The following RHD variants were observed in gnomAD, a reference collection of about 807,000 sequenced individuals.
RHD encodes the protein blood group Rh(D) polypeptide.
Under a neutral mutation model 45.5 loss-of-function variants are expected in RHD, and 16 were observed. The ratio of observed to expected loss-of-function variants is 0.35; its 90% CI spans 0.24 to 0.53. The LOEUF (loss-of-function observed/expected upper bound fraction) is 0.53, where lower values mean the gene tolerates loss of function less well. Among genes scored for constraint, RHD ranks in the 20% least tolerant of loss-of-function variants. The probability of loss-of-function intolerance (pLI) is 0.92; values close to 1 mark genes in which losing one functional copy is unlikely to be tolerated. For missense variants in RHD, 306 were observed against 532.0 expected (o/e 0.58, Z 4.18); for synonymous variants, 131 against 217.5 (o/e 0.60, Z 3.50).
At chr1:25,277,579 T>C in intron 1 of RHD, among the ~76,000 whole-genome samples, 1 of 130,554 alleles carries the variant, frequency 7.7e-6, no homozygotes, top group Non-Finnish European at 1.8e-5. Context: ...TCTTTCTGCC[T>C]CTGTTTCTAC....
intron 2 of RHD, among the ~76,000 whole-genome samples, chr1:25,289,823 A>AT (rs71014347): frequency 0.22 from 25,894 of 115,850 alleles, 6,928 homozygotes; most frequent in Admixed American, 0.3. Context: ...TCATAAGTAC[A>AT]TTTTTTTTTT....
In RHD at chr1:25,321,099, G is replaced by A. The variant is rs1348075038; in HGVS notation, c.1154-790G>A. Among the ~76,000 whole-genome samples, 5 of 130,326 alleles carry A rather than the reference G, an allele frequency of 3.8e-5. 2 individuals are homozygous for A. The highest frequency in any genetic ancestry group is 5.4e-5 in the Non-Finnish European group (3 of 55,062). 85.5% of individuals were successfully genotyped at this position (130,326 alleles called of 152,430 possible). ...AAAAGATGGGGAAAAGGAAGGACAGGCACTTAAGCAAGTTATAAGCTACTT... is the reference window on the plus strand; with the variant it reads ...AAAAGATGGGGAAAAGGAAGGACAGACACTTAAGCAAGTTATAAGCTACTT... On this transcript the variant is annotated intron_variant, in intron 8 of 9. Transcript: ENST00000328664.
intron 8 of RHD, among the ~76,000 whole-genome samples, chr1:25,321,033 G>A (rs548280011): frequency 7.6e-6 from 1 of 131,402 alleles, no homozygotes; most frequent in South Asian, 2.3e-4. Context: ...AACAGAATGA[G>A]ACTCTGTCCC....
Position 25,282,460 on chromosome 1 carries a change from G to C in RHD, c.149-2113G>C, listed in dbSNP as rs548324941. 2.5e-4 allele frequency among the ~76,000 whole-genome samples: 33 copies of C among 131,408 alleles called. 2 individuals carry two copies. The East Asian group carries it at 5.7e-3, about 23-fold the overall frequency. 86.2% of individuals were successfully genotyped at this position (131,408 alleles called of 152,430 possible). ...ATGTTGGCCAGGCTAGTCTCGAACT[G>C]CTGACTTCATGATCTGCCCACCTCA... On this transcript the variant is annotated intron_variant, in intron 1 of 9. Coordinates refer to ENST00000328664, the MANE Select transcript of RHD (RefSeq NM_016124.6).
rs573617427 is a variant in RHD at position 25,315,991 on chromosome 1, A to G, written c.1074-1009A>G. 2.1e-4 allele frequency among the ~76,000 whole-genome samples: 28 copies of G among 131,458 alleles called. 6 individuals are homozygous for G. Among genetic ancestry groups the G allele is most frequent in the Admixed American group, 2.1e-3 (28 of 13,572 alleles). The allele number at this position is 131,458 out of a possible 152,430, so 86.2% of individuals were successfully genotyped here. A position where few individuals can be genotyped will look rare whatever the true frequency, so the allele number is the denominator to read the frequency against. ...GGCTTGGAGCTTTGCTTTGTCTTAA[A>G]AATGAGAACATGAGCTGCCCACCTG... On this transcript the variant is annotated intron_variant, in intron 7 of 9. Coordinates refer to ENST00000328664, the MANE Select transcript of RHD (RefSeq NM_016124.6).
intron 7 of RHD, among the ~76,000 whole-genome samples, chr1:25,313,377 A>G (rs1644270005): frequency 7.5e-6 from 1 of 132,616 alleles, no homozygotes; most frequent in African/African-American, 2.6e-5. Context: ...AGCAATAGAA[A>G]ATGAACTGAG....
In RHD at chr1:25,282,579, G is replaced by A. The variant is rs1045183058; in HGVS notation, c.149-1994G>A. ...AATAGGAAATGATAGAGCTGGGATC[G>A]AACAGAGCCATGTGAACTCAAAACC... On this transcript the variant is annotated intron_variant, in intron 1 of 9. Coordinates refer to ENST00000328664, the MANE Select transcript of RHD (RefSeq NM_016124.6). 5.3e-5 allele frequency among the ~76,000 whole-genome samples: 7 copies of A among 132,150 alleles called. 2 individuals are homozygous for A. Among genetic ancestry groups the A allele is most frequent in the Non-Finnish European group, 7.2e-5 (4 of 55,874 alleles). 86.7% of individuals were successfully genotyped at this position (132,150 alleles called of 152,430 possible). A position where few individuals can be genotyped will look rare whatever the true frequency, so the allele number is the denominator to read the frequency against.
rs1644743010 is a variant in RHD, at chr1:25,322,132, G to T, written c.1227+170G>T. On this transcript the variant is annotated intron_variant, in intron 9 of 9. Transcript: ENST00000328664. Reference sequence around the variant, plus strand: ...ACAAATCCATGATATGCATGTGTGTGGGGGAGGGTGGCGGGGAGGTGGTAA... The same window carrying T: ...ACAAATCCATGATATGCATGTGTGTTGGGGAGGGTGGCGGGGAGGTGGTAA... Among the ~76,000 whole-genome samples the T allele has an allele frequency of 1.5e-5, 2 of 131,618 alleles. 1 individual carries two copies. Among genetic ancestry groups the T allele is most frequent in the South Asian group, 4.7e-4 (2 of 4,266 alleles). 86.3% of individuals were successfully genotyped at this position (131,618 alleles called of 152,430 possible). A position where few individuals can be genotyped will look rare whatever the true frequency, so the allele number is the denominator to read the frequency against.
rs657596 is a variant in RHD at position 25,307,097 on chromosome 1, T to C, written c.1073+368T>C. On this transcript the variant is annotated intron_variant, in intron 7 of 9. Transcript: ENST00000328664. ...TCCCACTGCGTACTAGCTGGGCATGTGGCTTAACCTTTCTCAGCCTCAGTC... is the reference window on the plus strand; with the variant it reads ...TCCCACTGCGTACTAGCTGGGCATGCGGCTTAACCTTTCTCAGCCTCAGTC... 95 of 324,352 alleles carry C rather than the reference T, an allele frequency of 2.9e-4. 15 individuals are homozygous for C. Among genetic ancestry groups the C allele is most frequent in the African/African-American group, 1.2e-3 (52 of 44,544 alleles). The allele number at this position is 324,352 out of a possible 1,614,324, so 20.1% of individuals were successfully genotyped here. A position where few individuals can be genotyped will look rare whatever the true frequency, so the allele number is the denominator to read the frequency against.
chr1:25,282,600 A>G (rs1641587982), intron 1 of RHD, among the ~76,000 whole-genome samples: 1 of 132,472 alleles, frequency 7.5e-6, no homozygotes, highest in Non-Finnish European at 1.8e-5. Flanking sequence ...TGTGAACTCA[A>G]AACCTATGCT....
In RHD at chr1:25,304,559, T is replaced by C. The variant is rs1298778080; in HGVS notation, c.939+1100T>C. 1.0e-4 allele frequency: 13 copies of C among 126,936 alleles called. 1 individual carries two copies. Among genetic ancestry groups the C allele is most frequent in the African/African-American group, 3.0e-4 (11 of 36,756 alleles). The allele number at this position is 126,936 out of a possible 1,614,324, so 7.9% of individuals were successfully genotyped here. A position where few individuals can be genotyped will look rare whatever the true frequency, so the allele number is the denominator to read the frequency against. ...CTTGCAGTGAGCTGAAATCGTGCCA[T>C]GGCACTCCAGCCTGGGCGACAGAAC... On this transcript the variant is annotated intron_variant, in intron 6 of 9. Transcript: ENST00000328664.
At position 25,277,465 on chromosome 1, in the gene RHD, C is replaced by A. The variant is rs1270699575; in HGVS notation, c.148+4770C>A. Among the ~76,000 whole-genome samples the A allele has an allele frequency of 3.0e-5, 4 of 133,316 alleles. 2 individuals carry two copies. Among genetic ancestry groups the A allele is most frequent in the Non-Finnish European group, 7.1e-5 (4 of 56,158 alleles). 87.5% of individuals were successfully genotyped at this position (133,316 alleles called of 152,430 possible). ...CCCAGCAGTCTGTGTTTTCACAAGCCCTCTTGGTGATTCTTCTGTGCATGA... is the reference window on the plus strand; with the variant it reads ...CCCAGCAGTCTGTGTTTTCACAAGCACTCTTGGTGATTCTTCTGTGCATGA... On this transcript the variant is annotated intron_variant, in intron 1 of 9. Transcript: ENST00000328664.
Position 25,296,411 on chromosome 1 carries a change from A to G in RHD, c.487-4535A>G, listed in dbSNP as rs1178441484. Among the ~76,000 whole-genome samples, 17 of 117,678 alleles carry G rather than the reference A, an allele frequency of 1.4e-4. 5 individuals are homozygous for G. Among genetic ancestry groups the G allele is most frequent in the Non-Finnish European group, 3.4e-4 (17 of 49,438 alleles). The allele number at this position is 117,678 out of a possible 152,430, so 77.2% of individuals were successfully genotyped here. ...AGGGGCATGCCACCATGCCCAGTTAATTTTTGTATTTTTAGTAGAGATGGA... is the reference window on the plus strand; with the variant it reads ...AGGGGCATGCCACCATGCCCAGTTAGTTTTTGTATTTTTAGTAGAGATGGA... On this transcript the variant is annotated intron_variant, in intron 3 of 9. Coordinates refer to ENST00000328664, the MANE Select transcript of RHD (RefSeq NM_016124.6).
intron 4 of RHD, among the ~76,000 whole-genome samples, 160 bp downstream of exon 4, chr1:25,301,253 T>C (rs1439432672): frequency 7.8e-6 from 1 of 128,226 alleles, no homozygotes; most frequent in East Asian, 2.0e-4. Flanking sequence ...GCTAAATTCA[T>C]ACCTTTGAAT....
chr1:25,285,787 T>C (rs1303918131), intron 2 of RHD, among the ~76,000 whole-genome samples: 2 of 135,178 alleles, frequency 1.5e-5, no homozygotes, highest in Non-Finnish European at 3.5e-5. Context: ...TGTTTTGTTT[T>C]GTTCAAACCT....
rs747415566 is a variant in RHD at position 25,301,659 on chromosome 1, G to C, written c.774G>C (p.Leu258Phe). Residue 258 changes from leucine (L) to phenylalanine (F), a missense_variant, in exon 5 of 10, where the codon TTG becomes TTC. Coordinates refer to ENST00000328664, the MANE Select transcript of RHD (RefSeq NM_016124.6). ...TGACAGCCATCTCAGGGTCATCCTTGGCTCACCCCCAAGGGAAGATCAGCA... is the reference window on the plus strand; with the variant it reads ...TGACAGCCATCTCAGGGTCATCCTTCGCTCACCCCCAAGGGAAGATCAGCA... Reference protein sequence around the residue: ...SVVTAISGSSLAHPQGKISKT... With the variant: ...SVVTAISGSSFAHPQGKISKT... 17 of 1,379,960 alleles carry C rather than the reference G, an allele frequency of 1.2e-5. 2 individuals carry two copies. In the South Asian group the frequency reaches 2.0e-4, roughly 16 times the overall value. The allele number at this position is 1,379,960 out of a possible 1,614,324, so 85.5% of individuals were successfully genotyped here.
At position 25,272,850 on chromosome 1, in the gene RHD, C is replaced by T. The variant is rs138079744; in HGVS notation, c.148+155C>T. ...TTCCGTAGATTGCACCGAAATTCAGCCAACAATGTAAGCTTTCCTTTAGAA... is the reference window on the plus strand; with the variant it reads ...TTCCGTAGATTGCACCGAAATTCAGTCAACAATGTAAGCTTTCCTTTAGAA... On this transcript the variant is annotated intron_variant, in intron 1 of 9. Coordinates refer to ENST00000328664, the MANE Select transcript of RHD (RefSeq NM_016124.6). Among the ~76,000 whole-genome samples, 95 of 131,276 alleles carry T rather than the reference C, an allele frequency of 7.2e-4. 17 individuals carry two copies. Among genetic ancestry groups the T allele is most frequent in the Admixed American group, 3.5e-3 (47 of 13,490 alleles). 86.1% of individuals were successfully genotyped at this position (131,276 alleles called of 152,430 possible).
intron 1 of RHD, among the ~76,000 whole-genome samples, chr1:25,274,532 G>A (rs1046941294): frequency 2.3e-5 from 3 of 132,828 alleles, no homozygotes; most frequent in Admixed American, 2.2e-4. Flanking sequence ...ACCCAGGCAG[G>A]GGAGACGATG....
intron 3 of RHD, among the ~76,000 whole-genome samples, chr1:25,292,717 G>A (rs1199702310): frequency 7.9e-6 from 1 of 127,104 alleles, no homozygotes; most frequent in African/African-American, 2.7e-5. Flanking sequence ...GTACAAGTCT[G>A]AAGCTTAGTG....
Sources: gnomAD v4.1 joint callset for allele counts (sites outside exome capture counted in the v4.1 genomes callset) on GRCh38, gnomAD v4.1.1 for gene constraint, MANE v1.5 for transcripts, NCBI Gene and HGNC (gene_info 2026-07-23, HGNC 2026-07-21) for gene names.